CADM2: variants seen among roughly 807,000 people sequenced by gnomAD.
CADM2 encodes the protein cell adhesion molecule 2.
CADM2 carries 12 observed loss-of-function variants against 49.8 expected under a neutral mutation model. The observed-to-expected ratio is 0.24, with a 90% CI of 0.15 to 0.39. CADM2 has a LOEUF of 0.39. Ranked by LOEUF, CADM2 falls within the 10% of genes least tolerant of loss-of-function variation. CADM2 has a pLI of 1.00. For synonymous variants in CADM2, 214 were observed against 175.4 expected (o/e 1.22, Z -1.74); for missense variants, 378 against 492.3 (o/e 0.77, Z 2.20).
At chr3:85,174,744 C>G (rs2107691204) in intron 1 of CADM2, among the ~76,000 whole-genome samples, 1 of 152,016 alleles carries the variant, frequency 6.6e-6, no homozygotes, top group Middle Eastern at 3.4e-3. Flanking sequence ...AGAAATTTTT[C>G]CCGATCATTA....
intron 1 of CADM2, among the ~76,000 whole-genome samples, chr3:85,628,580 C>CACATATATATACATATAT (rs2064199089): frequency 2.8e-5 from 4 of 142,680 alleles, no homozygotes; most frequent in African/African-American, 5.2e-5. Context: ...TATATACACA[C>CACATATATATACATATAT]ACATATATAT....
intron 8 of CADM2, among the ~76,000 whole-genome samples, chr3:86,007,354 G>A (rs758013070): frequency 6.6e-6 from 1 of 152,150 alleles, no homozygotes; most frequent in African/African-American, 2.4e-5. Context: ...TACTTGGACA[G>A]AGAAAAGAAG....
chr3:85,369,917 C>A (rs900063646), intron 1 of CADM2, among the ~76,000 whole-genome samples: 1 of 151,684 alleles, frequency 6.6e-6, no homozygotes, highest in Admixed American at 6.6e-5. Flanking sequence ...TTTAAATGAA[C>A]CCAAATATGT....
intron 1 of CADM2, among the ~76,000 whole-genome samples, chr3:85,284,773 C>T: frequency 6.6e-6 from 1 of 151,818 alleles, no homozygotes; most frequent in East Asian, 1.9e-4. Flanking sequence ...TTTTGTAGGA[C>T]CTTGTAGGCT....
At chr3:85,943,310 C>T (rs1462837767) in intron 7 of CADM2, among the ~76,000 whole-genome samples, 1 of 135,740 alleles carries the variant, frequency 7.4e-6, no homozygotes, top group African/African-American at 3.1e-5. Flanking sequence ...ATGGTAGTTT[C>T]TTTTGCTGTG....
At chr3:85,000,818 C>T (rs1258714330) in intron 1 of CADM2, among the ~76,000 whole-genome samples, 1 of 151,580 alleles carries the variant, frequency 6.6e-6, no homozygotes, top group African/African-American at 2.4e-5. Context: ...CATATATGTG[C>T]CTATGTATGT....
chr3:85,293,302 T>A (rs1004717916), intron 1 of CADM2, among the ~76,000 whole-genome samples: 2 of 151,542 alleles, frequency 1.3e-5, no homozygotes, highest in Non-Finnish European at 2.9e-5. Flanking sequence ...ATCAATAGCT[T>A]ACCCACCAAA....
intron 2 of CADM2, among the ~76,000 whole-genome samples, chr3:85,768,831 T>C (rs2069828587): frequency 2.0e-5 from 1 of 50,632 alleles, no homozygotes; most frequent in Non-Finnish European, 3.2e-5. Flanking sequence ...TACACATATA[T>C]ACATATATAG....
intron 1 of CADM2, among the ~76,000 whole-genome samples, chr3:85,321,091 C>CAA (rs2044587819): frequency 1.5e-5 from 1 of 64,748 alleles, no homozygotes; most frequent in Non-Finnish European, 2.7e-5. Flanking sequence ...TAGATATATA[C>CAA]ATATATATAT....
intron 1 of CADM2, among the ~76,000 whole-genome samples, chr3:85,335,809 A>C (rs1315892193): frequency 1.3e-5 from 2 of 151,470 alleles, no homozygotes; most frequent in Non-Finnish European, 1.5e-5. Context: ...TATCTGGTAC[A>C]TGTCTTTGGA....
chr3:85,568,941 A>G (rs1039826833), intron 1 of CADM2, among the ~76,000 whole-genome samples: 2 of 152,134 alleles, frequency 1.3e-5, no homozygotes, highest in Non-Finnish European at 2.9e-5. Context: ...ACATTGACAT[A>G]GTTTTTCATT....
intron 1 of CADM2, among the ~76,000 whole-genome samples, chr3:85,514,951 A>G (rs2060857982): frequency 6.6e-6 from 1 of 152,194 alleles, no homozygotes; most frequent in Admixed American, 6.5e-5. Flanking sequence ...ATTCACTGAA[A>G]GAGAAGCATG....
chr3:85,700,123 G>A (rs925880088), intron 1 of CADM2, among the ~76,000 whole-genome samples: 19 of 152,118 alleles, frequency 1.2e-4, no homozygotes, highest in Non-Finnish European at 1.3e-4. Context: ...AAGAAAATGT[G>A]GCACACAGAC....
chr3:85,893,903 T>C (rs1271239354), intron 5 of CADM2, among the ~76,000 whole-genome samples: 2 of 152,226 alleles, frequency 1.3e-5, no homozygotes, highest in African/African-American at 4.8e-5. Context: ...TTGGTGGGAC[T>C]GTAAACGAAT....
intron 2 of CADM2, among the ~76,000 whole-genome samples, chr3:85,764,460 A>T (rs951757798): frequency 6.6e-6 from 1 of 152,124 alleles, no homozygotes; most frequent in African/African-American, 2.4e-5. Flanking sequence ...TCTGGTAAAA[A>T]GCTAGACTGG....
chr3:85,079,453 T>C (rs982001251), intron 1 of CADM2, among the ~76,000 whole-genome samples: 18 of 151,838 alleles, frequency 1.2e-4, no homozygotes, highest in Non-Finnish European at 1.3e-4. Flanking sequence ...ACCTAATATT[T>C]ATGAAACTAT....
At chr3:85,572,769 CAT>C (rs2062517026) in intron 1 of CADM2, among the ~76,000 whole-genome samples, 1 of 152,136 alleles carries the variant, frequency 6.6e-6, no homozygotes, top group Non-Finnish European at 1.5e-5. Context: ...GATAGATTAA[CAT>C]ATTCACTTTT....
At chr3:85,786,712 G>A (rs569106279) in intron 2 of CADM2, among the ~76,000 whole-genome samples, 3 of 151,968 alleles carry the variant, frequency 2.0e-5, no homozygotes, top group Admixed American at 6.6e-5. Context: ...TGCCCACCAT[G>A]TCTAAGGCAG....
At chr3:85,768,050 C>A (rs1365347147) in intron 2 of CADM2, among the ~76,000 whole-genome samples, 1 of 152,070 alleles carries the variant, frequency 6.6e-6, no homozygotes, top group Non-Finnish European at 1.5e-5. Flanking sequence ...TTCTTTCTTA[C>A]ATAGATTAGC....
Sources: allele counts gnomAD v4.1 joint callset (sites outside exome capture counted in the v4.1 genomes callset), GRCh38; gene constraint gnomAD v4.1.1; transcripts MANE v1.5; gene names NCBI Gene and HGNC (gene_info 2026-07-23, HGNC 2026-07-21).